The following OPCML variants were observed in gnomAD, a reference collection of about 807,000 sequenced individuals.
OPCML encodes opioid binding protein/cell adhesion molecule like, also known as opioid-binding protein/cell adhesion molecule.
In OPCML, 13 loss-of-function variants were observed where a neutral mutation model predicts 37.8. The observed-to-expected ratio is 0.34, with a 90% CI of 0.22 to 0.55. OPCML has a LOEUF of 0.55. Ranked by LOEUF, OPCML falls within the 20% of genes least tolerant of loss-of-function variation. The probability of loss-of-function intolerance (pLI) is 0.91; values close to 1 mark genes in which losing one functional copy is unlikely to be tolerated. For synonymous variants in OPCML, 176 were observed against 168.8 expected, an observed-to-expected ratio of 1.04 and a Z score of -0.33; for missense variants, 341 against 435.6, an observed-to-expected ratio of 0.78 and a Z score of 1.93.
chr11:132,461,563 T>C (rs2096101905), intron 4 of OPCML, among the ~76,000 whole-genome samples: 1 of 152,182 alleles, frequency 6.6e-6, no homozygotes, highest in Non-Finnish European at 1.5e-5. Context: ...AAAATGGTGT[T>C]TCTCTGATTT....
intron 1 of OPCML, among the ~76,000 whole-genome samples, chr11:133,183,063 A>C (rs1937910042): frequency 6.6e-6 from 1 of 152,128 alleles, no homozygotes; most frequent in Non-Finnish European, 1.5e-5. Flanking sequence ...TTTTACTTTA[A>C]AATATGAATA....
rs573665900 is a variant in OPCML at position 132,652,878 on chromosome 11, C to T, written c.379+4209G>A. Among the ~76,000 whole-genome samples, 77 of 152,338 alleles carry T rather than the reference C, an allele frequency of 5.1e-4. No homozygotes were observed. In the South Asian group the frequency reaches 0.016, roughly 31 times the overall value. ...TGTTCCTATGCCACTCCAGTAGCAA[C>T]ATCAATCTGCTTCTGCTCATTGTAC... On this transcript the variant is annotated intron_variant, in intron 3 of 7. Coordinates refer to ENST00000524381, the MANE Select transcript of OPCML (RefSeq NM_001012393.5).
intron 2 of OPCML, among the ~76,000 whole-genome samples, chr11:132,686,431 C>T (rs529476622): frequency 7.2e-5 from 11 of 152,348 alleles, no homozygotes; most frequent in Admixed American, 6.5e-4. Context: ...CAGAAACTGA[C>T]TGTATATTAA....
chr11:133,015,137 A>G (rs138596092), intron 1 of OPCML, among the ~76,000 whole-genome samples: 1 of 152,314 alleles, frequency 6.6e-6, no homozygotes, highest in African/African-American at 2.4e-5. Context: ...ATTTACATAG[A>G]TCTGACAATA....
chr11:132,685,164 C>G (rs148020651), intron 2 of OPCML, among the ~76,000 whole-genome samples: 1 of 152,174 alleles, frequency 6.6e-6, no homozygotes, highest in Non-Finnish European at 1.5e-5. Context: ...TTTTCTTGCC[C>G]TGTCATCTCC....
chr11:132,420,384 C>T (rs2095954069), intron 7 of OPCML, 91 bp from the exon 8 acceptor site: 3 of 1,522,332 alleles, frequency 2.0e-6, no homozygotes, highest in African/African-American at 2.8e-5. Flanking sequence ...ACATGCTTCC[C>T]ACCTTCCACC....
At chr11:132,682,220 G>A (rs918396554) in intron 2 of OPCML, among the ~76,000 whole-genome samples, 1 of 152,158 alleles carries the variant, frequency 6.6e-6, no homozygotes, top group South Asian at 2.1e-4. Context: ...GGTAAGCAAG[G>A]CACCCTCGTC....
At chr11:133,128,512 T>A (rs1949553594) in intron 1 of OPCML, among the ~76,000 whole-genome samples, 1 of 152,160 alleles carries the variant, frequency 6.6e-6, no homozygotes, top group Non-Finnish European at 1.5e-5. Context: ...AAAATGAACT[T>A]CTCCCTCATG....
intron 2 of OPCML, among the ~76,000 whole-genome samples, chr11:132,707,660 A>G (rs1167678945): frequency 1.3e-5 from 2 of 152,132 alleles, no homozygotes; most frequent in Admixed American, 1.3e-4. Context: ...AAGATAAACT[A>G]CCCTATTACA....
chr11:132,763,756 C>T (rs570651509), intron 2 of OPCML, among the ~76,000 whole-genome samples: 42 of 152,294 alleles, frequency 2.8e-4, no homozygotes, highest in African/African-American at 9.9e-4. Context: ...GTTGTCCATG[C>T]GGCCCTGCCT....
At chr11:133,361,169 G>C (rs1372418005) in intron 1 of OPCML, 1 of 152,324 alleles carries the variant, frequency 6.6e-6, no homozygotes, top group African/African-American at 2.4e-5. Flanking sequence ...CTGTCCGTGA[G>C]ATCTCCCAGG....
At chr11:133,271,123 T>C (rs1941816097) in intron 1 of OPCML, among the ~76,000 whole-genome samples, 1 of 152,232 alleles carries the variant, frequency 6.6e-6, no homozygotes, top group Non-Finnish European at 1.5e-5. Context: ...GTGTGACTTC[T>C]AATGAGTTGT....
At chr11:132,776,518 A>G (rs1946814194) in intron 2 of OPCML, among the ~76,000 whole-genome samples, 1 of 151,938 alleles carries the variant, frequency 6.6e-6, no homozygotes, top group African/African-American at 2.4e-5. Flanking sequence ...GTGATAAGTG[A>G]GTTCTTACTC....
chr11:132,432,227 A>G (rs1233662682), intron 7 of OPCML, among the ~76,000 whole-genome samples: 5 of 152,190 alleles, frequency 3.3e-5, no homozygotes. Flanking sequence ...AGAGTCACTA[A>G]GGGTGATAAA....
chr11:133,517,388 A>G (rs912135258), intron 1 of OPCML, among the ~76,000 whole-genome samples: 110 of 152,364 alleles, frequency 7.2e-4, no homozygotes, highest in African/African-American at 2.5e-3. Flanking sequence ...CTCATAAACA[A>G]GAATTTGGGA....
At chr11:132,868,880 T>G (rs983978747) in intron 2 of OPCML, among the ~76,000 whole-genome samples, 2 of 152,162 alleles carry the variant, frequency 1.3e-5, no homozygotes, top group African/African-American at 4.8e-5. Flanking sequence ...GTGTGTGTGC[T>G]TGTGTATGCA....
intron 1 of OPCML, among the ~76,000 whole-genome samples, chr11:133,374,729 C>A (rs1473865391): frequency 6.6e-6 from 1 of 152,160 alleles, no homozygotes; most frequent in Admixed American, 6.5e-5. Context: ...TTTTTATTTG[C>A]TCATTACCTA....
At chr11:133,443,500 G>T (rs1408455416) in intron 1 of OPCML, among the ~76,000 whole-genome samples, 3 of 152,170 alleles carry the variant, frequency 2.0e-5, no homozygotes, top group Non-Finnish European at 4.4e-5. Context: ...TCTCTTCCTT[G>T]TTGAAACATG....
intron 1 of OPCML, among the ~76,000 whole-genome samples, chr11:132,967,341 A>T (rs112896453): frequency 6.6e-6 from 1 of 152,074 alleles, no homozygotes; most frequent in Non-Finnish European, 1.5e-5. Context: ...TTACAACTGT[A>T]TTGTTACAAA....
Sources: gnomAD v4.1 joint callset for allele counts (sites outside exome capture counted in the v4.1 genomes callset) on GRCh38, gnomAD v4.1.1 for gene constraint, MANE v1.5 for transcripts, NCBI Gene and HGNC (gene_info 2026-07-23, HGNC 2026-07-21) for gene names.